The following PLS3 variants were observed in gnomAD, a reference collection of about 807,000 sequenced individuals.
PLS3 encodes the protein plastin 3.
Under a neutral mutation model 46.5 loss-of-function variants are expected in PLS3, and 11 were observed. The ratio of observed to expected loss-of-function variants is 0.24; its 90% CI spans 0.15 to 0.39. The LOEUF is 0.39. Ranked by LOEUF, PLS3 falls within the 10% of genes least tolerant of loss-of-function variation. PLS3 has a pLI of 1.00. For synonymous variants in PLS3, 167 were observed against 162.2 expected (o/e 1.03, Z -0.22); for missense variants, 308 against 461.8 (o/e 0.67, Z 3.05).
At chrX:115,606,938 T>C (rs2074499427) in intron 1 of PLS3, among the ~76,000 whole-genome samples, 2 of 110,878 alleles carry the variant, frequency 1.8e-5, no homozygotes, top group African/African-American at 6.6e-5. Flanking sequence ...TGCAGTTCTT[T>C]TTATTCTTAA....
At chrX:115,631,575 A>T (rs1308633652) in intron 5 of PLS3, among the ~76,000 whole-genome samples, 1 of 110,202 alleles carries the variant, frequency 9.1e-6, no homozygotes, top group Non-Finnish European at 1.9e-5. Context: ...TCTACAAAAA[A>T]ATTAAAAATT....
At chrX:115,585,695 A>C (rs186905564) in intron 1 of PLS3, among the ~76,000 whole-genome samples, 2 of 110,574 alleles carry the variant, frequency 1.8e-5, no homozygotes, top group African/African-American at 3.3e-5. Flanking sequence ...CGGTCTAAAA[A>C]CTTATTTTTA....
intron 7 of PLS3, among the ~76,000 whole-genome samples, chrX:115,635,818 C>T (rs1393075118): frequency 9.3e-6 from 1 of 107,543 alleles, no homozygotes; most frequent in Non-Finnish European, 1.9e-5. Context: ...GGCGGAACCC[C>T]GTCTCTACAA....
intron 1 of PLS3, chrX:115,593,409 T>C (rs1248517937): frequency 1.8e-5 from 2 of 111,294 alleles, no homozygotes; most frequent in Non-Finnish European, 3.8e-5. Flanking sequence ...ATTTATTAAA[T>C]TCTCTGCAAA....
At chrX:115,599,520 CAA>C (rs782065548) in intron 1 of PLS3, among the ~76,000 whole-genome samples, 7 of 46,832 alleles carry the variant, frequency 1.5e-4, no homozygotes, top group Non-Finnish European at 2.4e-4. Context: ...GACTCTATCT[CAA>C]AAAAAAAAAA....
intron 2 of PLS3, among the ~76,000 whole-genome samples, chrX:115,613,198 T>A (rs1556636321): frequency 9.0e-6 from 1 of 111,473 alleles, no homozygotes; most frequent in African/African-American, 3.3e-5. Flanking sequence ...ACTGAGGTTT[T>A]TTAAACATGA....
chrX:115,586,014 T>G (rs2074305694), intron 1 of PLS3, among the ~76,000 whole-genome samples: 1 of 109,604 alleles, frequency 9.1e-6, no homozygotes, highest in Admixed American at 9.8e-5. Context: ...TTGACGGAGT[T>G]TTGCTCTTGT....
intron 10 of PLS3, among the ~76,000 whole-genome samples, 186 bp downstream of exon 10, chrX:115,643,694 G>A (rs1219813072): frequency 2.7e-5 from 3 of 112,098 alleles, no homozygotes; most frequent in Non-Finnish European, 5.6e-5. Flanking sequence ...GTCGAGGCCG[G>A]GCACGGTGGC....
intron 5 of PLS3, among the ~76,000 whole-genome samples, chrX:115,633,745 A>G (rs190712271): frequency 9.0e-6 from 1 of 111,073 alleles, no homozygotes; most frequent in East Asian, 2.8e-4. Context: ...CTCCTGCCTC[A>G]GCCTCCCAAA....
In PLS3 at chrX:115,629,241, G is replaced by A. The variant is rs782676126; in HGVS notation, c.281G>A (p.Arg94His). Residue 94 changes from arginine to histidine, a missense_variant, in exon 4 of 16, where the codon CGC becomes CAC. By Grantham distance (29) the Arg-to-His change is conservative. Coordinates refer to ENST00000355899, the MANE Select transcript of PLS3 (RefSeq NM_005032.7). ...VKSSDIAKTFRKAINRKEGIC... is the reference protein window; with the variant it reads ...VKSSDIAKTFHKAINRKEGIC... ...AGTAGTGATATTGCCAAGACCTTCC[G>A]CAAAGCAATCAACAGGAAAGAAGGT... 9 of 1,194,677 alleles carry A rather than the reference G, an allele frequency of 7.5e-6. No homozygotes were observed. The highest frequency in any genetic ancestry group is 2.2e-5 in the Admixed American group (1 of 45,454).
chrX:115,573,093 CA>C (rs1163578692), intron 1 of PLS3, among the ~76,000 whole-genome samples: 2,255 of 29,947 alleles, frequency 0.075, 40 homozygotes, highest in African/African-American at 0.18. Flanking sequence ...GACTCCGTCT[CA>C]AAAAAAAAAA....
intron 1 of PLS3, among the ~76,000 whole-genome samples, chrX:115,561,719 T>G (rs1556629601): frequency 9.1e-6 from 1 of 109,754 alleles, no homozygotes; most frequent in African/African-American, 3.3e-5. Context: ...ACTCAGGAAA[T>G]CCCGGAGCCA....
chrX:115,650,265 T>TAAGATG lies in PLS3; in HGVS notation c.*704_*705insAAGATG, dbSNP rs781877929. Reference sequence around the variant, plus strand: ...ATCGTAGCTAGAAGAAAAATGTACCTTAAATTTGCATCTTCCCTCTCATAC... The same window carrying TAAGATG: ...ATCGTAGCTAGAAGAAAAATGTACCTAAGATGTAAATTTGCATCTTCCCTCTCATAC... On this transcript the variant is annotated 3_prime_UTR_variant, in exon 16 of 16. Coordinates refer to ENST00000355899, the MANE Select transcript of PLS3 (RefSeq NM_005032.7). 8.0e-5 allele frequency: 9 copies of TAAGATG among 111,963 alleles called. No homozygotes were observed. The highest frequency in any genetic ancestry group is 5.8e-4 in the Admixed American group (6 of 10,384). The allele number at this position is 111,963 out of a possible 1,213,427, so 9.2% of individuals were successfully genotyped here.
rs782392121 is a variant in PLS3 at position 115,570,579 on chromosome X, C to T, written c.-9+9319C>T. Among the ~76,000 whole-genome samples, 167 of 100,276 alleles carry T rather than the reference C, an allele frequency of 1.7e-3. 2 individuals carry two copies. Among genetic ancestry groups the T allele is most frequent in the African/African-American group, 6.2e-3 (166 of 26,843 alleles). 87.1% of individuals were successfully genotyped at this position (100,276 alleles called of 115,157 possible). A position where few individuals can be genotyped will look rare whatever the true frequency, so the allele number is the denominator to read the frequency against. ...AGTGCAACTGTGCGATCTCAGCTCA[C>T]TGCAACCTTGACTTCCCGGGGCTCA... On this transcript the variant is annotated intron_variant, in intron 1 of 15. Coordinates refer to ENST00000355899, the MANE Select transcript of PLS3 (RefSeq NM_005032.7).
chrX:115,637,067 G>A (rs2074844952), intron 8 of PLS3, 89 bp downstream of exon 8: 5 of 897,379 alleles, frequency 5.6e-6, no homozygotes, highest in South Asian at 2.6e-5. Flanking sequence ...TCCTAACACT[G>A]TATCACCAAG....
chrX:115,562,069 C>G (rs984839722), intron 1 of PLS3, among the ~76,000 whole-genome samples: 1 of 110,467 alleles, frequency 9.1e-6, no homozygotes, highest in African/African-American at 3.3e-5. Flanking sequence ...GCGGCAGTCC[C>G]GGACCTCTCC....
At chrX:115,584,718 TG>T (rs1430241188) in intron 1 of PLS3, among the ~76,000 whole-genome samples, 1 of 112,088 alleles carries the variant, frequency 8.9e-6, no homozygotes, top group African/African-American at 3.2e-5. Flanking sequence ...TGTAAAGTCG[TG>T]GCATTTGTAA....
Position 115,636,959 on chromosome X carries a change from A to G in PLS3, c.872A>G (p.Asn291Ser). 8.3e-7 allele frequency: 1 copy of G among 1,209,726 alleles called. No individual in the cohort carries two copies. Among genetic ancestry groups the G allele is most frequent in the Non-Finnish European group, 1.1e-6 (1 of 894,313 alleles). ...AACTCGGGCTGGCAAAAAATTAACA[A>G]CTTTAGTGCTGACATCAAGGTAACT... is the stretch of plus-strand genomic sequence containing the variant. ...LENSGWQKIN[N>S]FSADIKDSKA... The change falls in exon 8 of 16, where the codon AAC (asparagine) becomes AGC (serine). Residue 291 changes from asparagine to serine, a missense_variant. Around this residue, in one of 2 missense-constraint regions of PLS3, gnomAD observed 271 missense variants for 435.7 expected, o/e 0.62. Transcript: ENST00000355899.
Position 115,566,196 on chromosome X carries a change from T to C in PLS3, c.-9+4936T>C, listed in dbSNP as rs139467513. Among the ~76,000 whole-genome samples the C allele has an allele frequency of 2.0e-3, 220 of 112,116 alleles. 4 individuals are homozygous for C. The East Asian group carries it at 0.057, about 29-fold the overall frequency. ...AAGCTTTAACAAGAGTTTACAGAAA[T>C]GGCAGGGTTCTCATCACGTAAGTCT... On this transcript the variant is annotated intron_variant, in intron 1 of 15. Transcript: ENST00000355899.
Sources: allele counts gnomAD v4.1 joint callset (sites outside exome capture counted in the v4.1 genomes callset), GRCh38; gene constraint gnomAD v4.1.1; regional missense constraint gnomAD v4.1.1; transcripts MANE v1.5; gene names NCBI Gene and HGNC (gene_info 2026-07-23, HGNC 2026-07-21).